Variants in EDA observed in about 807,000 individuals in gnomAD.
EDA encodes ectodysplasin-A.
In EDA, 2 loss-of-function variants were observed where a neutral mutation model predicts 23.6. The observed-to-expected ratio is 0.08, with a 90% CI of 0.03 to 0.27. The LOEUF is 0.27. Ranked by LOEUF, EDA falls within the 10% of genes least tolerant of loss-of-function variation. The pLI, the probability that EDA is intolerant of heterozygous loss-of-function variation, is 1.00. For missense variants in EDA, 229 were observed against 324.2 expected (o/e 0.71, Z 2.26); for synonymous variants, 131 against 132.0 (o/e 0.99, Z 0.05).
At chrX:69,835,887 A>G (rs1004887975) in intron 1 of EDA, among the ~76,000 whole-genome samples, 3 of 111,359 alleles carry the variant, frequency 2.7e-5, no homozygotes, top group Non-Finnish European at 5.6e-5. Context: ...TGACCTACAG[A>G]TGGGGTTTTG....
At chrX:69,909,113 G>A (rs747720990) in intron 1 of EDA, among the ~76,000 whole-genome samples, 67 of 111,274 alleles carry the variant, frequency 6.0e-4, no homozygotes, top group Non-Finnish European at 1.2e-3. Flanking sequence ...CAGATATCCT[G>A]TTTATAAAAC....
intron 1 of EDA, among the ~76,000 whole-genome samples, chrX:69,784,198 G>T (rs1292731877): frequency 7.5e-5 from 7 of 93,146 alleles, no homozygotes; most frequent in Non-Finnish European, 1.5e-4. Context: ...TTAGCCCTTT[G>T]TCAGATGAGT....
intron 1 of EDA, among the ~76,000 whole-genome samples, chrX:69,885,928 A>G (rs2147624916): frequency 8.9e-6 from 1 of 112,003 alleles, no homozygotes; most frequent in South Asian, 3.7e-4. Flanking sequence ...CCTTGAAATA[A>G]CACTGTAACT....
intron 1 of EDA, among the ~76,000 whole-genome samples, chrX:69,948,326 A>G (rs913120565): frequency 2.7e-5 from 3 of 112,472 alleles, no homozygotes; most frequent in Non-Finnish European, 3.8e-5. Flanking sequence ...GAATTCAGTG[A>G]CTGCTTTTAG....
intron 1 of EDA, among the ~76,000 whole-genome samples, chrX:69,828,281 G>A (rs1490662335): frequency 8.9e-6 from 1 of 112,249 alleles, no homozygotes; most frequent in Non-Finnish European, 1.9e-5. Context: ...GGGCAATGGT[G>A]GGCGCCCCTC....
At chrX:69,940,586 A>T (rs2018743820) in intron 1 of EDA, among the ~76,000 whole-genome samples, 1 of 110,080 alleles carries the variant, frequency 9.1e-6, no homozygotes, top group African/African-American at 3.3e-5. Flanking sequence ...TACTCTAATC[A>T]TTATTATTTC....
intron 1 of EDA, among the ~76,000 whole-genome samples, chrX:69,712,332 A>G (rs2012092811): frequency 8.9e-6 from 1 of 111,803 alleles, no homozygotes; most frequent in African/African-American, 3.3e-5. Flanking sequence ...TTATTAGTAT[A>G]TATAGATGCA....
At chrX:69,761,764 T>C (rs1047704784) in intron 1 of EDA, among the ~76,000 whole-genome samples, 1 of 112,089 alleles carries the variant, frequency 8.9e-6, no homozygotes, top group African/African-American at 3.2e-5. Context: ...ATCTGCTTTT[T>C]ATACTTCTTT....
chrX:69,751,023 G>C (rs1348793743), intron 1 of EDA, among the ~76,000 whole-genome samples: 4 of 109,576 alleles, frequency 3.7e-5, no homozygotes, highest in Non-Finnish European at 7.7e-5. Flanking sequence ...AAGCTCTTTA[G>C]TTTAATTAGA....
intron 1 of EDA, among the ~76,000 whole-genome samples, chrX:69,756,443 C>A (rs1370241523): frequency 9.0e-6 from 1 of 111,512 alleles, no homozygotes; most frequent in Admixed American, 9.6e-5. Context: ...ATAAGCAGCA[C>A]ATTTATCTTA....
chrX:69,702,652 T>A (rs1337731730), intron 1 of EDA, among the ~76,000 whole-genome samples: 1 of 107,888 alleles, frequency 9.3e-6, no homozygotes, highest in Non-Finnish European at 1.9e-5. Flanking sequence ...GAAAAAGAGG[T>A]TGGGCTGGGA....
At chrX:70,007,223 C>T (rs2019814481) in intron 2 of EDA, among the ~76,000 whole-genome samples, 1 of 111,794 alleles carries the variant, frequency 8.9e-6, no homozygotes, top group Non-Finnish European at 1.9e-5. Flanking sequence ...GAGTCTTTTG[C>T]CTTTCCATAT....
chrX:69,804,241 T>C (rs1225219460), intron 1 of EDA, among the ~76,000 whole-genome samples: 1 of 111,285 alleles, frequency 9.0e-6, no homozygotes, highest in Non-Finnish European at 1.9e-5. Context: ...CTTCATATTG[T>C]TCTTCATAGT....
intron 1 of EDA, among the ~76,000 whole-genome samples, chrX:69,823,825 T>C (rs1188802390): frequency 6.5e-5 from 6 of 91,808 alleles, no homozygotes; most frequent in Non-Finnish European, 1.3e-4. Flanking sequence ...GTTTTTATGG[T>C]TTTAGGTCTA....
chrX:69,832,650 A>T (rs184743395), intron 1 of EDA, among the ~76,000 whole-genome samples: 1 of 111,539 alleles, frequency 9.0e-6, no homozygotes, highest in Non-Finnish European at 1.9e-5. Flanking sequence ...TTTTCACAAT[A>T]TTGATTCTTC....
intron 1 of EDA, among the ~76,000 whole-genome samples, chrX:69,622,411 G>T (rs760217846): frequency 8.9e-6 from 1 of 112,104 alleles, no homozygotes; most frequent in South Asian, 3.7e-4. Context: ...TGTTCTGGTG[G>T]GTGGCTTTGT....
At chrX:69,900,501 C>A (rs192312898) in intron 1 of EDA, among the ~76,000 whole-genome samples, 2 of 108,321 alleles carry the variant, frequency 1.8e-5, no homozygotes, top group East Asian at 5.9e-4. Context: ...TCACACATGG[C>A]TGTTATGACT....
At chrX:69,747,355 G>T (rs897488681) in intron 1 of EDA, among the ~76,000 whole-genome samples, 1 of 112,415 alleles carries the variant, frequency 8.9e-6, no homozygotes, top group East Asian at 2.8e-4. Context: ...GAAATAAGAA[G>T]TGTTTGGCCT....
At chrX:69,744,353 G>T (rs1294076864) in intron 1 of EDA, among the ~76,000 whole-genome samples, 1 of 111,864 alleles carries the variant, frequency 8.9e-6, no homozygotes, top group Non-Finnish European at 1.9e-5. Context: ...AGAAGGCCAG[G>T]AACAGATGTG....
Sources: gnomAD v4.1 joint callset for allele counts (sites outside exome capture counted in the v4.1 genomes callset) on GRCh38, gnomAD v4.1.1 for gene constraint, MANE v1.5 for transcripts, NCBI Gene and HGNC (gene_info 2026-07-23, HGNC 2026-07-21) for gene names.